The following ASTN2 variants were observed in gnomAD, a reference collection of about 807,000 sequenced individuals.
ASTN2 encodes astrotactin-2.
Under a neutral mutation model 139.8 loss-of-function variants are expected in ASTN2, and 54 were observed. The observed-to-expected ratio is 0.39, with a 90% CI of 0.31 to 0.48. The LOEUF is 0.48. Ranked by LOEUF, ASTN2 falls within the 20% of genes least tolerant of loss-of-function variation. The probability of loss-of-function intolerance (pLI) is 0.95; values close to 1 mark genes in which losing one functional copy is unlikely to be tolerated. For missense variants in ASTN2, 1,565 were observed against 1,725.1 expected (o/e 0.91, Z 1.64); for synonymous variants, 756 against 719.5 (o/e 1.05, Z -0.81).
chr9:117,008,198 G>C lies in ASTN2; in HGVS notation c.1485C>G (p.Ala495=). The change falls in exon 7 of 23, where the codon GCC becomes GCG. Residue 495 remains alanine, a synonymous_variant. Coordinates refer to ENST00000313400, the MANE Select transcript of ASTN2 (RefSeq NM_001365068.1). ...TGATCTGGTAATACAGGGAAAGCTT[G>C]GCCGGGTTTAACCAGTCGGAGATGT... ...YLDISDWLNP[A]KLSLYYQINA... 6.2e-7 allele frequency: 1 copy of C among 1,611,984 alleles called. No homozygotes were observed. Among genetic ancestry groups the C allele is most frequent in the Non-Finnish European group, 8.5e-7 (1 of 1,179,066 alleles).
chr9:117,411,976 C>T (rs1241293856), intron 1 of ASTN2, among the ~76,000 whole-genome samples: 1 of 128,578 alleles, frequency 7.8e-6, no homozygotes, highest in African/African-American at 3.0e-5. Flanking sequence ...CAGCCCCAAC[C>T]CCACCCCTAC....
chr9:116,515,814 A>G (rs1850623965), intron 19 of ASTN2, among the ~76,000 whole-genome samples: 1 of 152,212 alleles, frequency 6.6e-6, no homozygotes, highest in Non-Finnish European at 1.5e-5. Flanking sequence ...AATAATAAAG[A>G]TGAAACATTT....
chr9:116,500,172 T>C lies in ASTN2; in HGVS notation c.3356-12672A>G, dbSNP rs61021748. Among the ~76,000 whole-genome samples the C allele has an allele frequency of 1.6e-3, 243 of 152,278 alleles. 2 individuals carry two copies. Among genetic ancestry groups the C allele is most frequent in the African/African-American group, 5.7e-3 (236 of 41,564 alleles). ...ACCCATTAACCCTTTGACTCTACTATCCCTGTGCAGTGAGGATTGCTCTTC... is the reference window on the plus strand; with the variant it reads ...ACCCATTAACCCTTTGACTCTACTACCCCTGTGCAGTGAGGATTGCTCTTC... On this transcript the variant is annotated intron_variant, in intron 19 of 22. Transcript: ENST00000313400.
chr9:116,975,124 T>C, intron 10 of ASTN2, 84 bp downstream of exon 10: 4 of 1,411,318 alleles, frequency 2.8e-6, no homozygotes, highest in Non-Finnish European at 3.8e-6. Context: ...AGAACACTCC[T>C]TAGGGGTTCC....
intron 5 of ASTN2, among the ~76,000 whole-genome samples, chr9:117,059,318 A>G (rs1351721323): frequency 6.6e-6 from 1 of 152,226 alleles, no homozygotes; most frequent in Non-Finnish European, 1.5e-5. Flanking sequence ...AAGTACAGAT[A>G]AAAACACAGA....
chr9:116,933,735 G>A (rs1393963900), intron 10 of ASTN2, among the ~76,000 whole-genome samples: 1 of 151,826 alleles, frequency 6.6e-6, no homozygotes, highest in African/African-American at 2.4e-5. Flanking sequence ...CAATTATGCT[G>A]GAACCCACAT....
At chr9:117,176,515 A>G (rs916133213) in intron 3 of ASTN2, among the ~76,000 whole-genome samples, 1 of 152,204 alleles carries the variant, frequency 6.6e-6, no homozygotes, top group African/African-American at 2.4e-5. Flanking sequence ...TTGCATGATA[A>G]AAGTAATTTG....
At chr9:116,575,294 T>TA (rs60609223) in intron 19 of ASTN2, among the ~76,000 whole-genome samples, 3,732 of 147,694 alleles carry the variant, frequency 0.025, 144 homozygotes, top group African/African-American at 0.088. Flanking sequence ...AATGTATAAT[T>TA]AAAAAAAAAA....
chr9:117,265,358 TGTTA>T (rs907915682), intron 2 of ASTN2, among the ~76,000 whole-genome samples: 1 of 152,192 alleles, frequency 6.6e-6, no homozygotes, highest in African/African-American at 2.4e-5. Flanking sequence ...GTGAGGCATC[TGTTA>T]ACCAACTCCC....
At chr9:117,020,824 T>C (rs1482126797) in intron 6 of ASTN2, among the ~76,000 whole-genome samples, 1 of 152,176 alleles carries the variant, frequency 6.6e-6, no homozygotes, top group Non-Finnish European at 1.5e-5. Flanking sequence ...TTTGAATGAA[T>C]GAATGAATGG....
chr9:116,557,223 CAAAAAA>C (rs60756690), intron 19 of ASTN2, among the ~76,000 whole-genome samples: 1 of 53,594 alleles, frequency 1.9e-5, no homozygotes, highest in Non-Finnish European at 3.3e-5. Flanking sequence ...GACTCTGTCT[CAAAAAA>C]AAAAAAAAAA....
intron 10 of ASTN2, among the ~76,000 whole-genome samples, chr9:116,908,594 C>T (rs1372693881): frequency 1.3e-5 from 2 of 152,106 alleles, no homozygotes; most frequent in Admixed American, 6.5e-5. Context: ...AAAGGAGAAC[C>T]TTGTTCTGTG....
At chr9:117,073,945 G>T (rs1828204675) in intron 5 of ASTN2, among the ~76,000 whole-genome samples, 1 of 152,156 alleles carries the variant, frequency 6.6e-6, no homozygotes, top group Admixed American at 6.5e-5. Flanking sequence ...GAACTGGTTA[G>T]CTCTGTGGTC....
At chr9:117,405,481 G>A (rs892381018) in intron 1 of ASTN2, among the ~76,000 whole-genome samples, 4 of 152,252 alleles carry the variant, frequency 2.6e-5, no homozygotes, top group South Asian at 2.1e-4. Context: ...AAATGGTCAC[G>A]GTTTTCATAG....
At chr9:116,708,954 AC>A (rs1283399644) in intron 16 of ASTN2, among the ~76,000 whole-genome samples, 9 of 152,200 alleles carry the variant, frequency 5.9e-5, no homozygotes, top group Non-Finnish European at 1.3e-4. Context: ...TCTCTGGCCC[AC>A]ACTTGATGGC....
intron 16 of ASTN2, among the ~76,000 whole-genome samples, chr9:116,701,735 ATC>A (rs1182464452): frequency 6.6e-6 from 1 of 152,098 alleles, no homozygotes; most frequent in Non-Finnish European, 1.5e-5. Flanking sequence ...TGGAAGTGTG[ATC>A]TGAGTCTTTT....
At chr9:117,300,762 A>G (rs1834856575) in intron 1 of ASTN2, among the ~76,000 whole-genome samples, 1 of 152,208 alleles carries the variant, frequency 6.6e-6, no homozygotes, top group Admixed American at 6.5e-5. Context: ...CAGGGGCCAC[A>G]ACATGGCCAA....
At chr9:117,369,479 G>C (rs1358315495) in intron 1 of ASTN2, among the ~76,000 whole-genome samples, 2 of 151,998 alleles carry the variant, frequency 1.3e-5, no homozygotes, top group African/African-American at 4.8e-5. Flanking sequence ...GGCTCCTACA[G>C]GTCAAATAGC....
intron 2 of ASTN2, among the ~76,000 whole-genome samples, chr9:117,279,590 C>T (rs981434535): frequency 6.6e-6 from 1 of 152,186 alleles, no homozygotes; most frequent in Non-Finnish European, 1.5e-5. Context: ...AGTTCTGTCC[C>T]AAAGTCAACA....
Sources: gnomAD v4.1 joint callset for allele counts (sites outside exome capture counted in the v4.1 genomes callset) on GRCh38, gnomAD v4.1.1 for gene constraint, MANE v1.5 for transcripts, NCBI Gene and HGNC (gene_info 2026-07-23, HGNC 2026-07-21) for gene names.